Variants in PDE4D observed in about 807,000 individuals in gnomAD.
PDE4D encodes the protein phosphodiesterase 4D, also known as 3',5'-cyclic-AMP phosphodiesterase 4D.
In PDE4D, 24 loss-of-function variants were observed where a neutral mutation model predicts 87.4. The ratio of observed to expected loss-of-function variants is 0.27; its 90% CI spans 0.20 to 0.39. PDE4D has a LOEUF of 0.39. PDE4D is among the 10% of genes least tolerant of loss of function. The pLI is 1.00. For missense variants in PDE4D, 714 were observed against 1,041.0 expected, an observed-to-expected ratio of 0.69 and a Z score of 4.32; for synonymous variants, 384 against 383.2, an observed-to-expected ratio of 1.00 and a Z score of -0.02.
intron 2 of PDE4D, among the ~76,000 whole-genome samples, chr5:60,159,378 T>G (rs548797144): frequency 6.6e-6 from 1 of 152,062 alleles, no homozygotes; most frequent in Non-Finnish European, 1.5e-5. Flanking sequence ...AGTAAATACA[T>G]AAATCAGGGA....
At chr5:59,245,021 A>G (rs17528285) in intron 1 of PDE4D, among the ~76,000 whole-genome samples, 12,056 of 152,042 alleles carry the variant, frequency 0.079, 583 homozygotes, top group Non-Finnish European at 0.11. Flanking sequence ...AGTTAGAAAA[A>G]CATGTTATTA....
At chr5:59,023,642 T>C (rs1449708541) in intron 6 of PDE4D, among the ~76,000 whole-genome samples, 5 of 152,042 alleles carry the variant, frequency 3.3e-5, no homozygotes, top group Non-Finnish European at 1.5e-5. Flanking sequence ...GTTGACAAGG[T>C]GAGAACTTGT....
chr5:60,378,626 G>T lies in PDE4D; in HGVS notation c.-90+109316C>A, dbSNP rs1272732753. On this transcript the variant is annotated intron_variant, in intron 1 of 16. Transcript: ENST00000502484. Reference sequence around the variant, plus strand: ...CCCAGCACTTTGGGAGGCCAAGGTGGGTGGATCACGATGTCAGGAGTTCAA... The same window carrying T: ...CCCAGCACTTTGGGAGGCCAAGGTGTGTGGATCACGATGTCAGGAGTTCAA... Among the ~76,000 whole-genome samples, 7 of 152,172 alleles carry T rather than the reference G, an allele frequency of 4.6e-5. No individual in the cohort carries two copies. The South Asian group carries it at 1.5e-3, about 32-fold the overall frequency.
At chr5:60,252,407 T>C (rs1224791404) in intron 1 of PDE4D, among the ~76,000 whole-genome samples, 1 of 151,146 alleles carries the variant, frequency 6.6e-6, no homozygotes, top group Non-Finnish European at 1.5e-5. Context: ...TACTTTTTTT[T>C]TTTTTTTTGG....
At chr5:59,967,328 C>T (rs1760154139) in intron 3 of PDE4D, among the ~76,000 whole-genome samples, 1 of 151,872 alleles carries the variant, frequency 6.6e-6, no homozygotes, top group African/African-American at 2.4e-5. Flanking sequence ...AAACAGAAGA[C>T]CTGCAAAATG....
At chr5:59,332,699 A>T (rs1452596168) in intron 1 of PDE4D, among the ~76,000 whole-genome samples, 1 of 152,212 alleles carries the variant, frequency 6.6e-6, no homozygotes, top group Non-Finnish European at 1.5e-5. Flanking sequence ...ACCAAATGTT[A>T]ACTTCCATCT....
intron 1 of PDE4D, among the ~76,000 whole-genome samples, chr5:59,421,987 C>A (rs112770002): frequency 6.6e-6 from 1 of 151,966 alleles, no homozygotes; most frequent in South Asian, 2.1e-4. Flanking sequence ...TATGATTGAA[C>A]GTGGGAGGAA....
intron 2 of PDE4D, among the ~76,000 whole-genome samples, chr5:60,040,435 G>T (rs979504280): frequency 6.6e-6 from 1 of 152,154 alleles, no homozygotes; most frequent in Non-Finnish European, 1.5e-5. Context: ...TCCACCTGTA[G>T]ATGTAGAATA....
intron 1 of PDE4D, among the ~76,000 whole-genome samples, chr5:59,230,060 T>C (rs1754818624): frequency 6.6e-6 from 1 of 152,222 alleles, no homozygotes; most frequent in Non-Finnish European, 1.5e-5. Context: ...GTGCTGGGAT[T>C]ATAGGCGTGA....
At chr5:60,166,399 G>A (rs1454780967) in intron 2 of PDE4D, among the ~76,000 whole-genome samples, 1 of 152,122 alleles carries the variant, frequency 6.6e-6, no homozygotes, top group Non-Finnish European at 1.5e-5. Flanking sequence ...AACATGGATT[G>A]CAAAATAAAA....
At chr5:60,061,694 T>C (rs1427203269) in intron 2 of PDE4D, among the ~76,000 whole-genome samples, 1 of 152,136 alleles carries the variant, frequency 6.6e-6, no homozygotes, top group Non-Finnish European at 1.5e-5. Context: ...ACTGCAAGGC[T>C]ACAGTAACCA....
intron 1 of PDE4D, among the ~76,000 whole-genome samples, chr5:59,451,746 ATCT>A (rs1291387863): frequency 6.6e-6 from 1 of 152,178 alleles, no homozygotes; most frequent in Non-Finnish European, 1.5e-5. Flanking sequence ...GTCTGTAATA[ATCT>A]TCTAAATGGT....
intron 2 of PDE4D, among the ~76,000 whole-genome samples, chr5:60,000,122 T>C (rs947570203): frequency 6.6e-6 from 1 of 151,498 alleles, no homozygotes; most frequent in Non-Finnish European, 1.5e-5. Context: ...ATACACATAA[T>C]GCAAATCTGA....
chr5:60,186,911 A>G (rs865967187), intron 1 of PDE4D, among the ~76,000 whole-genome samples: 2 of 152,202 alleles, frequency 1.3e-5, no homozygotes, highest in Non-Finnish European at 2.9e-5. Context: ...TAAAGGCTGA[A>G]AATACTTGTT....
chr5:60,473,660 G>GCCACT (rs1252905871), intron 1 of PDE4D, among the ~76,000 whole-genome samples: 3 of 151,862 alleles, frequency 2.0e-5, no homozygotes, highest in African/African-American at 4.8e-5. Context: ...GCCTTCCCCT[G>GCCACT]CCACTCCACT....
At chr5:60,070,369 G>T (rs1385646610) in intron 2 of PDE4D, among the ~76,000 whole-genome samples, 1 of 151,952 alleles carries the variant, frequency 6.6e-6, no homozygotes, top group Non-Finnish European at 1.5e-5. Flanking sequence ...ATTTGTATTT[G>T]TATTTGACAT....
intron 1 of PDE4D, among the ~76,000 whole-genome samples, chr5:60,226,920 A>T (rs1745182232): frequency 6.6e-6 from 1 of 152,020 alleles, no homozygotes; most frequent in African/African-American, 2.4e-5. Context: ...CATAATCTTG[A>T]TTAATTCTAA....
At chr5:59,239,070 G>T (rs1344860625) in intron 1 of PDE4D, among the ~76,000 whole-genome samples, 1 of 152,086 alleles carries the variant, frequency 6.6e-6, no homozygotes, top group African/African-American at 2.4e-5. Context: ...ACAGAAGAAG[G>T]GTTTCTCTAT....
At chr5:60,250,381 G>C (rs955499776) in intron 1 of PDE4D, among the ~76,000 whole-genome samples, 1 of 151,772 alleles carries the variant, frequency 6.6e-6, no homozygotes, top group Non-Finnish European at 1.5e-5. Context: ...TAATAGTCGG[G>C]GTTGGATTTG....
Sources: allele counts gnomAD v4.1 joint callset (sites outside exome capture counted in the v4.1 genomes callset), GRCh38; gene constraint gnomAD v4.1.1; transcripts MANE v1.5; gene names NCBI Gene and HGNC (gene_info 2026-07-23, HGNC 2026-07-21).